PDZRN3: variants seen among roughly 807,000 people sequenced by gnomAD.
PDZRN3 encodes PDZ domain containing ring finger 3, also known as E3 ubiquitin-protein ligase PDZRN3.
A neutral mutation model predicts 85.7 loss-of-function variants in PDZRN3; 38 were observed. The observed-to-expected ratio is 0.44, with a 90% CI of 0.34 to 0.58. The LOEUF (loss-of-function observed/expected upper bound fraction) is 0.58. PDZRN3 is among the 20% of genes least tolerant of loss of function. The pLI is 0.01. For synonymous variants in PDZRN3, 759 were observed against 638.0 expected (o/e 1.19, Z -2.86); for missense variants, 1,629 against 1,506.4 (o/e 1.08, Z -1.35).
At chr3:73,589,842 C>T (rs1390184106) in intron 3 of PDZRN3, among the ~76,000 whole-genome samples, 1 of 152,112 alleles carries the variant, frequency 6.6e-6, no homozygotes, top group Non-Finnish European at 1.5e-5. Context: ...GAGTTACTAA[C>T]GTGAAGCCAA....
At chr3:73,387,939 C>G (rs980056378) in intron 8 of PDZRN3, 29 bp downstream of exon 8, 2 of 1,039,250 alleles carry the variant, frequency 1.9e-6, no homozygotes, top group Admixed American at 4.0e-5. Flanking sequence ...AAATATAGAC[C>G]CAGTTTCATC....
chr3:73,583,279 C>G (rs1057038023), intron 3 of PDZRN3, among the ~76,000 whole-genome samples: 1 of 152,232 alleles, frequency 6.6e-6, no homozygotes, highest in Admixed American at 6.5e-5. Context: ...CAAACCCACA[C>G]AGCTAGCTTA....
intron 3 of PDZRN3, among the ~76,000 whole-genome samples, chr3:73,462,569 G>C (rs926202363): frequency 6.9e-6 from 1 of 145,614 alleles, no homozygotes; most frequent in South Asian, 2.2e-4. Context: ...AAAAGAACTT[G>C]ATTCCATTTG....
intron 3 of PDZRN3, among the ~76,000 whole-genome samples, chr3:73,548,340 G>C (rs76536732): frequency 3.3e-5 from 5 of 152,226 alleles, no homozygotes; most frequent in South Asian, 4.1e-4. Context: ...TGGGAGTTAC[G>C]AAGCAGAAGA....
intron 3 of PDZRN3, among the ~76,000 whole-genome samples, chr3:73,468,048 C>A (rs919523058): frequency 6.6e-6 from 1 of 152,076 alleles, no homozygotes; most frequent in East Asian, 1.9e-4. Flanking sequence ...ATATATTTAA[C>A]ACCATTGCAC....
At chr3:73,564,578 C>T (rs1575739996) in intron 3 of PDZRN3, among the ~76,000 whole-genome samples, 1 of 152,300 alleles carries the variant, frequency 6.6e-6, no homozygotes, top group African/African-American at 2.4e-5. Flanking sequence ...TACACAATCC[C>T]CTATGCTCAC....
rs370428084 is a variant in PDZRN3 at position 73,383,705 on chromosome 3, C to T, written c.2861G>A (p.Arg954His). The change falls in exon 10 of 10, where the codon CGC becomes CAC. Residue 954 changes from arginine (R) to histidine (H), a missense_variant. Physicochemically the swap from Arg to His is conservative, Grantham distance 29. Transcript: ENST00000263666. ...GTCGTCGTCGGTGGTCATGCCGCTG[C>T]GCTCTTCCCGGATCTTCAGGGCGCG... ...RERALKIREERSGMTTDDDAV... is the reference protein window; with the variant it reads ...RERALKIREEHSGMTTDDDAV... 6.2e-7 allele frequency: 1 copy of T among 1,611,510 alleles called. No individual in the cohort carries two copies.
intron 3 of PDZRN3, among the ~76,000 whole-genome samples, chr3:73,477,100 G>C (rs1020037952): frequency 2.0e-5 from 3 of 152,080 alleles, no homozygotes; most frequent in African/African-American, 7.2e-5. Flanking sequence ...GCTTAATAAT[G>C]GATCATATTC....
chr3:73,408,399 A>G (rs1017168601), intron 3 of PDZRN3: 9 of 584,736 alleles, frequency 1.5e-5, no homozygotes, highest in Non-Finnish European at 2.4e-5. Context: ...TAGAAGAGAC[A>G]CATTTTCCCA....
intron 3 of PDZRN3, among the ~76,000 whole-genome samples, chr3:73,593,698 C>T (rs948240663): frequency 2.4e-5 from 3 of 125,394 alleles, no homozygotes; most frequent in African/African-American, 6.1e-5. Context: ...TACTGTTTAC[C>T]GAAATAAATA....
intron 3 of PDZRN3, among the ~76,000 whole-genome samples, chr3:73,406,871 C>G (rs1244368197): frequency 6.6e-6 from 1 of 152,174 alleles, no homozygotes; most frequent in Non-Finnish European, 1.5e-5. Flanking sequence ...CAGAAAGGAA[C>G]CTATGAGTTT....
intron 4 of PDZRN3, among the ~76,000 whole-genome samples, chr3:73,402,941 C>CTT (rs140037400): frequency 4.0e-4 from 46 of 115,638 alleles, no homozygotes; most frequent in Non-Finnish European, 4.9e-4. Flanking sequence ...ACATGAAAAG[C>CTT]TTTTTTTTTT....
intron 3 of PDZRN3, among the ~76,000 whole-genome samples, chr3:73,457,597 C>G (rs140588147): frequency 2.6e-4 from 40 of 152,216 alleles, no homozygotes; most frequent in African/African-American, 9.1e-4. Context: ...TCCTGTTTCT[C>G]ATCATTTTGC....
intron 3 of PDZRN3, among the ~76,000 whole-genome samples, chr3:73,469,794 G>A (rs1203884177): frequency 1.3e-5 from 2 of 151,982 alleles, no homozygotes; most frequent in Non-Finnish European, 2.9e-5. Flanking sequence ...CTATTTACAT[G>A]GCACCCATTT....
At chr3:73,486,584 C>T (rs973567524) in intron 3 of PDZRN3, among the ~76,000 whole-genome samples, 4 of 151,994 alleles carry the variant, frequency 2.6e-5, no homozygotes, top group Admixed American at 6.6e-5. Flanking sequence ...TAATGTATGC[C>T]GCTGAATTGT....
rs1022913716 is a variant in PDZRN3, at chr3:73,496,056, A to G, written c.919-91661T>C. Among the ~76,000 whole-genome samples, 4 of 152,118 alleles carry G rather than the reference A, an allele frequency of 2.6e-5. No individual in the cohort carries two copies. The East Asian group carries it at 5.8e-4, about 22-fold the overall frequency. On this transcript the variant is annotated intron_variant, in intron 3 of 9. Coordinates refer to ENST00000263666, the MANE Select transcript of PDZRN3 (RefSeq NM_015009.3). ...TATCTGTTCATCAAAGTACAGCCTG[A>G]AAGACTAAGTCTCAAGTCAAGATAT...
intron 3 of PDZRN3, among the ~76,000 whole-genome samples, chr3:73,513,503 TAAG>T (rs1704204380): frequency 6.6e-6 from 1 of 152,202 alleles, no homozygotes; most frequent in Admixed American, 6.5e-5. Flanking sequence ...CCTGGCCAGT[TAAG>T]AAGTTGTTTA....
intron 3 of PDZRN3, among the ~76,000 whole-genome samples, chr3:73,553,709 G>A (rs962141512): frequency 8.5e-5 from 13 of 152,134 alleles, no homozygotes; most frequent in Non-Finnish European, 1.6e-4. Flanking sequence ...TAAGAATTCC[G>A]TGGTGTGACT....
chr3:73,410,538 C>A (rs778803600), intron 3 of PDZRN3, among the ~76,000 whole-genome samples: 1 of 152,050 alleles, frequency 6.6e-6, no homozygotes, highest in African/African-American at 2.4e-5. Flanking sequence ...CCATCAGATC[C>A]CCTCCTTACT....
Sources: allele counts gnomAD v4.1 joint callset (sites outside exome capture counted in the v4.1 genomes callset), GRCh38; gene constraint gnomAD v4.1.1; transcripts MANE v1.5; gene names NCBI Gene and HGNC (gene_info 2026-07-23, HGNC 2026-07-21).